CX3CL1: variants seen among roughly 807,000 people sequenced by gnomAD.
The protein encoded by CX3CL1 is fractalkine.
In CX3CL1, 1 loss-of-function variant was observed where a neutral mutation model predicts 14.1. The observed-to-expected ratio is 0.07, with a 90% confidence interval of 0.03 to 0.34. CX3CL1 has a LOEUF of 0.34. CX3CL1 is among the 10% of genes least tolerant of loss of function. The probability of loss-of-function intolerance (pLI) is 0.99; values close to 1 mark genes in which losing one functional copy is unlikely to be tolerated. For synonymous variants in CX3CL1, 255 were observed against 229.6 expected (o/e 1.11, Z -1.00); for missense variants, 505 against 536.4 (o/e 0.94, Z 0.58).
chr16:57,377,569 A>G (rs1381743851), intron 1 of CX3CL1: 1 of 152,256 alleles, frequency 6.6e-6, no homozygotes, highest in African/African-American at 2.4e-5. Context: ...AGCAGACTCT[A>G]CAAAGTCTCT....
intron 2 of CX3CL1, 89 bp downstream of exon 2, chr16:57,379,843 C>T: frequency 6.7e-7 from 1 of 1,497,714 alleles, no homozygotes; most frequent in Non-Finnish European, 9.2e-7. Context: ...CACCTCCGCT[C>T]CCAGACCTGG....
chr16:57,376,314 G>GA (rs1567552975), intron 1 of CX3CL1, among the ~76,000 whole-genome samples: 1 of 152,212 alleles, frequency 6.6e-6, no homozygotes, highest in Admixed American at 6.5e-5. Context: ...TATTGGGATG[G>GA]AAGCACTCTC....
intron 1 of CX3CL1, among the ~76,000 whole-genome samples, chr16:57,376,542 A>G (rs1207282652): frequency 2.0e-5 from 3 of 151,146 alleles, no homozygotes; most frequent in Admixed American, 2.0e-4. Context: ...ATGGATGGAC[A>G]GATGGATGGA....
chr16:57,372,817 G>T (rs546317124), intron 1 of CX3CL1, among the ~76,000 whole-genome samples, 179 bp downstream of exon 1: 3 of 152,276 alleles, frequency 2.0e-5, no homozygotes, highest in Admixed American at 6.5e-5. Flanking sequence ...CAGATGCAGC[G>T]CTGGACAGAT....
rs529402450 is a variant in CX3CL1, at chr16:57,381,436, C to G, written c.192-594C>G. On this transcript the variant is annotated intron_variant, in intron 2 of 2. Transcript: ENST00000006053. ...CACATCAGGAGGGGAGGAGAGGGGC[C>G]CGGAGCACAGCCTGTAGCTGTGAAA... Among the ~76,000 whole-genome samples the G allele has an allele frequency of 1.1e-4, 16 of 152,084 alleles. No individual in the cohort carries two copies. The South Asian group carries it at 2.9e-3, about 28-fold the overall frequency.
At chr16:57,378,842 A>T (rs1227883793) in intron 1 of CX3CL1, 1 of 146,642 alleles carries the variant, frequency 6.8e-6, no homozygotes, top group Non-Finnish European at 1.5e-5. Flanking sequence ...TGGGCAACAG[A>T]ACAAGACCCT....
chr16:57,377,306 C>G (rs1902259691), intron 1 of CX3CL1: 1 of 152,294 alleles, frequency 6.6e-6, no homozygotes, highest in Non-Finnish European at 1.5e-5. Context: ...CCTGGGGAGG[C>G]TGCAGGTGAG....
Position 57,383,788 on chromosome 16 carries a change from C to G in CX3CL1, c.*756C>G, listed in dbSNP as rs1902371235. 6.6e-6 allele frequency: 1 copy of G among 152,646 alleles called. No homozygotes were observed. Among genetic ancestry groups the G allele is most frequent in the Non-Finnish European group, 1.5e-5 (1 of 68,374 alleles). The allele number at this position is 152,646 out of a possible 1,614,324, so 9.5% of individuals were successfully genotyped here. On this transcript the variant is annotated 3_prime_UTR_variant, in exon 3 of 3. Coordinates refer to ENST00000006053, the MANE Select transcript of CX3CL1 (RefSeq NM_002996.6). ...AGGAATACCTGTCCCCCTGACAACA[C>G]TCATTGACCTGAGGCCCTTCTCTCC...
At chr16:57,378,270 T>C (rs1902271230) in intron 1 of CX3CL1, 2 of 152,164 alleles carry the variant, frequency 1.3e-5, no homozygotes. Context: ...AAAAGTTTAT[T>C]GCTGGGCATA....
At chr16:57,376,453 T>TGGAC (rs1309298958) in intron 1 of CX3CL1, among the ~76,000 whole-genome samples, 3 of 150,504 alleles carry the variant, frequency 2.0e-5, no homozygotes, top group Non-Finnish European at 4.4e-5. Context: ...GATGGATGGA[T>TGGAC]GGATGGATGG....
Position 57,380,717 on chromosome 16 carries a change from T to C in CX3CL1, c.191+963T>C, listed in dbSNP as rs532436228. Among the ~76,000 whole-genome samples, 21 of 152,250 alleles carry C rather than the reference T, an allele frequency of 1.4e-4. No individual in the cohort carries two copies. In the East Asian group the frequency reaches 3.9e-3, roughly 28 times the overall value. ...TTGTAACCCTGGCTGTTGAAGACCC[T>C]GGCAATCTTGGTCACTTGCTCCTCC... On this transcript the variant is annotated intron_variant, in intron 2 of 2. Coordinates refer to ENST00000006053, the MANE Select transcript of CX3CL1 (RefSeq NM_002996.6).
In CX3CL1 at chr16:57,382,957, A is replaced by G. The variant is rs41467049; in HGVS notation, c.1119A>G (p.Ala373=). The change falls in exon 3 of 3, where the codon GCA becomes GCG. Residue 373 remains alanine (A), a synonymous_variant. Coordinates refer to ENST00000006053, the MANE Select transcript of CX3CL1 (RefSeq NM_002996.6). The surrounding 1 kb of genome is among the most constrained non-coding windows in gnomAD (Gnocchi z 6.9). ...QSLQGCPRKM[A]GEMAEGLRYI... The stretch of plus-strand genomic sequence containing the variant: ...TCCAGGGCTGCCCTCGAAAGATGGC[A>G]GGAGAGATGGCGGAGGGCCTTCGCT... 7.7e-3 allele frequency: 11,590 copies of G among 1,514,830 alleles called. 763 individuals carry two copies. The African/African-American group carries it at 0.14, about 19-fold the overall frequency. The allele number at this position is 1,514,830 out of a possible 1,614,324, so 93.8% of individuals were successfully genotyped here. A position where few individuals can be genotyped will look rare whatever the true frequency, so the allele number is the denominator to read the frequency against.
Position 57,382,553 on chromosome 16 carries a change from A to C in CX3CL1, c.715A>C (p.Asn239His). Residue 239 changes from asparagine (N) to histidine (H), a missense_variant, in exon 3 of 3, where the codon AAT becomes CAT. Asn to His is a moderately conservative substitution (Grantham distance 68). Transcript: ENST00000006053. The surrounding 1 kb of genome is among the most constrained non-coding windows in gnomAD (Gnocchi z 6.9). ...STASSPAPEENAPSEGQRVWG... is the reference protein window; with the variant it reads ...STASSPAPEEHAPSEGQRVWG... ...TGCGTCCTCCCCAGCCCCAGAGGAG[A>C]ATGCTCCGTCTGAAGGCCAGCGTGT... 6.2e-7 allele frequency: 1 copy of C among 1,613,824 alleles called. No homozygotes were observed. Among genetic ancestry groups the C allele is most frequent in the Non-Finnish European group, 8.5e-7 (1 of 1,179,864 alleles).
In CX3CL1 at chr16:57,383,100, C is replaced by T; in HGVS notation, c.*68C>T. 1 of 1,313,720 alleles carries T rather than the reference C, an allele frequency of 7.6e-7. No homozygotes were observed. Among genetic ancestry groups the T allele is most frequent in the Non-Finnish European group, 9.9e-7 (1 of 1,013,372 alleles). The allele number at this position is 1,313,720 out of a possible 1,614,324, so 81.4% of individuals were successfully genotyped here. A position where few individuals can be genotyped will look rare whatever the true frequency, so the allele number is the denominator to read the frequency against. ...CTGGGATCCCTCATCCTCATACCCACCCCCACCCAAGGGCCTGGCCTGAGC... is the reference window on the plus strand; with the variant it reads ...CTGGGATCCCTCATCCTCATACCCATCCCCACCCAAGGGCCTGGCCTGAGC... On this transcript the variant is annotated 3_prime_UTR_variant, in exon 3 of 3. Coordinates refer to ENST00000006053, the MANE Select transcript of CX3CL1 (RefSeq NM_002996.6).
rs41444650 is a variant in CX3CL1, at chr16:57,384,864, G to A, written c.*1832G>A. The A allele has an allele frequency of 0.13, 20,068 of 152,260 alleles. 2,383 individuals carry two copies. Among genetic ancestry groups the A allele is most frequent in the African/African-American group, 0.32 (13,254 of 41,506 alleles). 9.4% of individuals were successfully genotyped at this position (152,260 alleles called of 1,614,324 possible). The stretch of plus-strand genomic sequence containing the variant: ...GCCCTGCCTCCTTTGTGAGGAAGCC[G>A]CTGGGGCCAGTTGGTCCCCCTTCCA... On this transcript the variant is annotated 3_prime_UTR_variant, in exon 3 of 3. Transcript: ENST00000006053.
chr16:57,378,612 C>CCTTT (rs1902276266), intron 1 of CX3CL1: 1 of 152,010 alleles, frequency 6.6e-6, no homozygotes, highest in African/African-American at 2.4e-5. Flanking sequence ...TAAAGGTGCA[C>CCTTT]ACCATCATGC....
At position 57,382,351 on chromosome 16, in the gene CX3CL1, G is replaced by T; in HGVS notation, c.513G>T (p.Pro171=). ...VTGSSGTRLP[P]TPKAQDGGPV... ...GTTCCTCAGGGACCAGGCTCCCCCC[G>T]ACGCCAAAGGCTCAGGATGGAGGGC... Residue 171 remains proline (P), a synonymous_variant, in exon 3 of 3, where the codon CCG becomes CCT. Coordinates refer to ENST00000006053, the MANE Select transcript of CX3CL1 (RefSeq NM_002996.6). The surrounding 1 kb of genome is among the most constrained non-coding windows in gnomAD (Gnocchi z 6.9). 1 of 1,608,802 alleles carries T rather than the reference G, an allele frequency of 6.2e-7. No homozygotes were observed. The highest frequency in any genetic ancestry group is 8.5e-7 in the Non-Finnish European group (1 of 1,179,034).
intron 2 of CX3CL1, 86 bp downstream of exon 2, chr16:57,379,840 G>A (rs1034247097): frequency 3.3e-6 from 5 of 1,513,062 alleles, no homozygotes; most frequent in Non-Finnish European, 9.1e-7. Flanking sequence ...CCACACCTCC[G>A]CTCCCAGACC....
chr16:57,380,067 A>G (rs1168028288), intron 2 of CX3CL1, among the ~76,000 whole-genome samples: 1 of 152,154 alleles, frequency 6.6e-6, no homozygotes, highest in Non-Finnish European at 1.5e-5. Context: ...CCCACACTCG[A>G]ACCCACTATA....
Sources: allele counts gnomAD v4.1 joint callset (sites outside exome capture counted in the v4.1 genomes callset), GRCh38; gene constraint gnomAD v4.1.1; non-coding constraint Gnocchi (gnomAD v3.1); transcripts MANE v1.5; gene names NCBI Gene and HGNC (gene_info 2026-07-23, HGNC 2026-07-21).